The following GPR63 variants were observed in gnomAD, a reference collection of about 807,000 sequenced individuals.
GPR63 encodes G protein-coupled receptor 63, also known as probable G protein-coupled receptor 63.
GPR63 carries 12 observed loss-of-function variants against 23.1 expected under a neutral mutation model. The ratio of observed to expected loss-of-function variants is 0.52; its 90% CI spans 0.33 to 0.84. The LOEUF (loss-of-function observed/expected upper bound fraction) is 0.84, where lower values mean the gene tolerates loss of function less well. Ranked by LOEUF, GPR63 falls within the 40% of genes least tolerant of loss-of-function variation. The pLI, the probability that GPR63 is intolerant of heterozygous loss-of-function variation, is 0.02. For missense variants in GPR63, 472 were observed against 515.6 expected (o/e 0.92, Z 0.82); for synonymous variants, 172 against 191.1 (o/e 0.90, Z 0.82).
At chr6:96,801,282 C>T (rs1236261973) in intron 1 of GPR63, among the ~76,000 whole-genome samples, 1 of 151,550 alleles carries the variant, frequency 6.6e-6, no homozygotes, top group Non-Finnish European at 1.5e-5. Context: ...TCACCGCAAC[C>T]TCCGCCTCCT....
At chr6:96,826,172 CA>C (rs1774433698) in intron 1 of GPR63, among the ~76,000 whole-genome samples, 1 of 152,020 alleles carries the variant, frequency 6.6e-6, no homozygotes, top group African/African-American at 2.4e-5. Flanking sequence ...ATCTGTGAAC[CA>C]TGGGTGGCTT....
chr6:96,798,725 A>T lies in GPR63; in HGVS notation c.1007T>A (p.Val336Glu). 6.2e-7 allele frequency: 1 copy of T among 1,614,226 alleles called. No homozygotes were observed. The highest frequency in any genetic ancestry group is 8.5e-7 in the Non-Finnish European group (1 of 1,180,036). Residue 336 changes from valine (V) to glutamate (E), a missense_variant, in exon 2 of 2, where the codon GTG (valine) becomes GAG (glutamate). By Grantham distance (121) the Val-to-Glu change is moderately radical (BLOSUM62 -2). Coordinates refer to ENST00000229955, the MANE Select transcript of GPR63 (RefSeq NM_030784.4). ...GTAAAAGTGCTTACTGAATGTTGCC[A>T]CAAGGCTGTAAGTGGTGAATGGGGC... ...CWAPFTTYSL[V>E]ATFSKHFYYQ...
intron 1 of GPR63, among the ~76,000 whole-genome samples, chr6:96,810,130 A>G (rs1774003665): frequency 3.3e-5 from 5 of 152,216 alleles, no homozygotes; most frequent in Admixed American, 3.3e-4. Context: ...AAACATGCAG[A>G]TAAGAATGTT....
intron 1 of GPR63, among the ~76,000 whole-genome samples, chr6:96,815,230 T>G (rs1774134110): frequency 2.0e-5 from 3 of 152,212 alleles, no homozygotes; most frequent in Non-Finnish European, 4.4e-5. Flanking sequence ...TTTAAATTTG[T>G]GGCGATTTAT....
At chr6:96,808,991 T>C (rs1427552118) in intron 1 of GPR63, among the ~76,000 whole-genome samples, 1 of 151,088 alleles carries the variant, frequency 6.6e-6, no homozygotes, top group Non-Finnish European at 1.5e-5. Flanking sequence ...TCTTTCTTTA[T>C]CTCGTCCTGC....
At chr6:96,829,873 A>G (rs1454112421) in intron 1 of GPR63, among the ~76,000 whole-genome samples, 1 of 152,174 alleles carries the variant, frequency 6.6e-6, no homozygotes, top group Non-Finnish European at 1.5e-5. Context: ...GTAAAAATGA[A>G]CATGTTAGAA....
In GPR63 at chr6:96,799,210, G is replaced by A. The variant is rs772567550; in HGVS notation, c.522C>T (p.Ile174=). 1.9e-6 allele frequency: 3 copies of A among 1,614,170 alleles called. No homozygotes were observed. The highest frequency in any genetic ancestry group is 2.5e-6 in the Non-Finnish European group (3 of 1,180,030). ...FVIEGVAILL[I]ISIDRFLIIV... is the part of the protein sequence containing the mutation. ...TAATAAGGAACCTATCTATGCTAAT[G>A]ATGAGCAGGATGGCTACTCCTTCTA... Residue 174 remains isoleucine (I), a synonymous_variant, in exon 2 of 2, where the codon ATC becomes ATT. Transcript: ENST00000229955.
chr6:96,818,458 C>T (rs1774218347), intron 1 of GPR63, among the ~76,000 whole-genome samples: 1 of 151,280 alleles, frequency 6.6e-6, no homozygotes, highest in Admixed American at 6.6e-5. Flanking sequence ...AATAAAACTC[C>T]CATTCAAAAA....
At chr6:96,833,673 C>A (rs1250762330) in intron 1 of GPR63, among the ~76,000 whole-genome samples, 5 of 152,072 alleles carry the variant, frequency 3.3e-5, no homozygotes, top group Non-Finnish European at 5.9e-5. Flanking sequence ...AACCAAGAAG[C>A]TTTGCTCAAA....
chr6:96,802,248 A>G (rs911105320), intron 1 of GPR63, among the ~76,000 whole-genome samples: 3 of 152,316 alleles, frequency 2.0e-5, no homozygotes, highest in Admixed American at 6.5e-5. Context: ...TTGCATAGTC[A>G]TTGTATCTTT....
Position 96,799,990 on chromosome 6 carries a change from C to T in GPR63, c.-150-109G>A, listed in dbSNP as rs146557735. ...GAAGGATCAGTTTTGCTCTTTTTGA[C>T]CGTTTAAAAATATTTTAGTCTCCAG... is the stretch of plus-strand genomic sequence containing the variant. On this transcript the variant is annotated intron_variant, in intron 1 of 1. Coordinates refer to ENST00000229955, the MANE Select transcript of GPR63 (RefSeq NM_030784.4). 329 of 490,228 alleles carry T rather than the reference C, an allele frequency of 6.7e-4. 1 individual carries two copies. Among genetic ancestry groups the T allele is most frequent in the Admixed American group, 1.7e-3 (52 of 30,188 alleles). 30.4% of individuals were successfully genotyped at this position (490,228 alleles called of 1,614,324 possible).
chr6:96,804,008 A>G (rs1022567698), intron 1 of GPR63, among the ~76,000 whole-genome samples: 1 of 152,262 alleles, frequency 6.6e-6, no homozygotes, highest in African/African-American at 2.4e-5. Context: ...CACCACATGT[A>G]TGTGTACTTG....
In GPR63 at chr6:96,798,167, A is replaced by C; in HGVS notation, c.*305T>G. 1 of 274,646 alleles carries C rather than the reference A, an allele frequency of 3.6e-6. No individual in the cohort carries two copies. The highest frequency in any genetic ancestry group is 6.7e-5 in the East Asian group (1 of 14,828). The allele number at this position is 274,646 out of a possible 1,614,324, so 17.0% of individuals were successfully genotyped here. ...TACAATTCAATGTAACTGCAGGCTC[A>C]ATAAAGCACAATCCTGATTCCCACT... On this transcript the variant is annotated 3_prime_UTR_variant, in exon 2 of 2. Transcript: ENST00000229955.
intron 1 of GPR63, among the ~76,000 whole-genome samples, chr6:96,833,339 AT>A (rs1774639812): frequency 6.6e-6 from 1 of 152,232 alleles, no homozygotes; most frequent in African/African-American, 2.4e-5. Flanking sequence ...CATGGGATAG[AT>A]TTAATTGATT....
At chr6:96,807,166 T>C (rs1400567122) in intron 1 of GPR63, among the ~76,000 whole-genome samples, 3 of 152,228 alleles carry the variant, frequency 2.0e-5, no homozygotes, top group Non-Finnish European at 4.4e-5. Context: ...AGCTTGATAA[T>C]CAGGCAGACA....
At chr6:96,824,593 CAA>C (rs1183157086) in intron 1 of GPR63, among the ~76,000 whole-genome samples, 11 of 44,578 alleles carry the variant, frequency 2.5e-4, no homozygotes, top group Admixed American at 7.0e-4. Context: ...TACGCCTTAG[CAA>C]AAAAAAAAAA....
At chr6:96,826,609 G>A (rs2127958886) in intron 1 of GPR63, among the ~76,000 whole-genome samples, 1 of 152,056 alleles carries the variant, frequency 6.6e-6, no homozygotes, top group Non-Finnish European at 1.5e-5. Flanking sequence ...ACATGTTTAT[G>A]ATCCCAGAAA....
At chr6:96,804,456 C>A (rs1019616501) in intron 1 of GPR63, among the ~76,000 whole-genome samples, 1 of 152,194 alleles carries the variant, frequency 6.6e-6, no homozygotes, top group East Asian at 1.9e-4. Flanking sequence ...GCTTTGCACA[C>A]ATTCTGATAA....
Position 96,799,324 on chromosome 6 carries a change from G to A in GPR63, c.408C>T (p.Pro136=), listed in dbSNP as rs1394314674. 1.2e-6 allele frequency: 2 copies of A among 1,614,104 alleles called. No homozygotes were observed. Among genetic ancestry groups the A allele is most frequent in the East Asian group, 2.2e-5 (1 of 44,876 alleles). Residue 136 remains proline, a synonymous_variant, in exon 2 of 2, where the codon CCC becomes CCT. Transcript: ENST00000229955. ...TAGTAAGAATAGTTACCAGGGCAAAGGGCATGTTCAGCACTGCAAGCAACA... is the reference window on the plus strand; with the variant it reads ...TAGTAAGAATAGTTACCAGGGCAAAAGGCATGTTCAGCACTGCAAGCAACA... ...ADMLLAVLNM[P]FALVTILTTR... is the part of the protein sequence containing the mutation.
Sources: allele counts gnomAD v4.1 joint callset (sites outside exome capture counted in the v4.1 genomes callset), GRCh38; gene constraint gnomAD v4.1.1; transcripts MANE v1.5; gene names NCBI Gene and HGNC (gene_info 2026-07-23, HGNC 2026-07-21).